The following NUMB variants were observed in gnomAD, a reference collection of about 807,000 sequenced individuals.
The protein encoded by NUMB is protein numb homolog.
NUMB carries 29 observed loss-of-function variants against 59.7 expected under a neutral mutation model. That is an observed-to-expected ratio of 0.49 (90% CI 0.36 to 0.66). NUMB has a LOEUF of 0.66. Among genes scored for constraint, NUMB ranks in the 30% least tolerant of loss-of-function variants. The probability of loss-of-function intolerance (pLI) is 0.00; values close to 1 mark genes in which losing one functional copy is unlikely to be tolerated. For missense variants in NUMB, 723 were observed against 822.0 expected, an observed-to-expected ratio of 0.88 and a Z score of 1.47; for synonymous variants, 288 against 288.2, an observed-to-expected ratio of 1.00 and a Z score of 0.01.
At chr14:73,372,832 T>C (rs984224451) in intron 2 of NUMB, among the ~76,000 whole-genome samples, 1 of 152,196 alleles carries the variant, frequency 6.6e-6, no homozygotes, top group African/African-American at 2.4e-5. Context: ...TTCATTATAT[T>C]TCATTATTCA....
At chr14:73,295,828 C>T (rs907174809) in intron 7 of NUMB, among the ~76,000 whole-genome samples, 1 of 151,952 alleles carries the variant, frequency 6.6e-6, no homozygotes, top group African/African-American at 2.4e-5. Context: ...AGCTGTGTGT[C>T]TATTCTTATT....
At chr14:73,358,991 G>C (rs553499292) in intron 3 of NUMB, among the ~76,000 whole-genome samples, 1 of 152,104 alleles carries the variant, frequency 6.6e-6, no homozygotes, top group Non-Finnish European at 1.5e-5. Context: ...CATTAAAAGA[G>C]GACATCCAAC....
intron 6 of NUMB, among the ~76,000 whole-genome samples, chr14:73,303,863 G>C (rs1046018589): frequency 3.3e-5 from 5 of 152,086 alleles, no homozygotes; most frequent in African/African-American, 1.2e-4. Flanking sequence ...TGAAATCTGA[G>C]CAGAAGGATC....
intron 2 of NUMB, among the ~76,000 whole-genome samples, chr14:73,391,799 T>C (rs1895867146): frequency 6.6e-6 from 1 of 152,238 alleles, no homozygotes; most frequent in Non-Finnish European, 1.5e-5. Context: ...TGTAGTTTTC[T>C]GGCAATCTCA....
At chr14:73,415,982 T>C (rs760453295) in intron 1 of NUMB, among the ~76,000 whole-genome samples, 2 of 152,216 alleles carry the variant, frequency 1.3e-5, no homozygotes, top group Non-Finnish European at 2.9e-5. Context: ...ATGCTGGCAC[T>C]TCACAGTGAA....
chr14:73,286,927 T>C, intron 9 of NUMB, 183 bp downstream of exon 9: 2 of 615,452 alleles, frequency 3.2e-6, no homozygotes, highest in South Asian at 3.9e-5. Context: ...GTAAATATTT[T>C]TGAAGCCATT....
In NUMB at chr14:73,388,281, T is replaced by C. The variant is rs569555847; in HGVS notation, c.-100-21300A>G. Among the ~76,000 whole-genome samples the C allele has an allele frequency of 5.3e-5, 8 of 152,304 alleles. No homozygotes were observed. In the South Asian group the frequency reaches 1.2e-3, roughly 24 times the overall value. ...TACCCAGTCTCGGGTATGTCTTTAT[T>C]AGCAGTGTGAGAATGGACTAATACA... On this transcript the variant is annotated intron_variant, in intron 2 of 12. Transcript: ENST00000555238.
chr14:73,343,789 T>A (rs930217866), intron 4 of NUMB, among the ~76,000 whole-genome samples: 2 of 31,144 alleles, frequency 6.4e-5, no homozygotes, highest in African/African-American at 3.7e-4. Flanking sequence ...AGTCTCCTTT[T>A]TGGATGCTAT....
intron 2 of NUMB, among the ~76,000 whole-genome samples, chr14:73,392,732 A>G (rs1342719118): frequency 6.6e-6 from 1 of 152,192 alleles, no homozygotes; most frequent in Non-Finnish European, 1.5e-5. Flanking sequence ...ATTCTCTATT[A>G]TATTAAGACA....
intron 12 of NUMB, among the ~76,000 whole-genome samples, chr14:73,278,647 G>GC (rs1304287519): frequency 4.0e-5 from 6 of 151,350 alleles, no homozygotes; most frequent in Admixed American, 3.9e-4. Context: ...TAGGAGCAGG[G>GC]CCCCCTCTTT....
At chr14:73,317,839 A>C (rs1454668617) in intron 5 of NUMB, among the ~76,000 whole-genome samples, 1 of 152,214 alleles carries the variant, frequency 6.6e-6, no homozygotes, top group Non-Finnish European at 1.5e-5. Flanking sequence ...AATATACTTT[A>C]AGCCTTTACT....
intron 1 of NUMB, among the ~76,000 whole-genome samples, chr14:73,450,980 C>T (rs1445375039): frequency 1.3e-5 from 2 of 151,548 alleles, no homozygotes; most frequent in African/African-American, 4.9e-5. Context: ...GGTGAAATCC[C>T]GTCTCTACTA....
intron 9 of NUMB, chr14:73,286,880 C>G (rs1889042341): frequency 3.7e-6 from 2 of 536,490 alleles, no homozygotes; most frequent in Admixed American, 3.1e-5. Flanking sequence ...GCTTCTTCAA[C>G]TGCACTCTGA....
chr14:73,375,866 T>C (rs543317885), intron 2 of NUMB, among the ~76,000 whole-genome samples: 32 of 152,350 alleles, frequency 2.1e-4, no homozygotes, highest in African/African-American at 7.2e-4. Flanking sequence ...CATCCATTCA[T>C]GATAAAAATT....
chr14:73,326,722 T>A (rs1273856987), intron 4 of NUMB, among the ~76,000 whole-genome samples: 1 of 152,178 alleles, frequency 6.6e-6, no homozygotes, highest in Admixed American at 6.5e-5. Flanking sequence ...GAGACCTAAC[T>A]GGACTGACTG....
intron 1 of NUMB, among the ~76,000 whole-genome samples, chr14:73,424,171 T>C (rs981473442): frequency 3.3e-5 from 5 of 152,048 alleles, no homozygotes; most frequent in African/African-American, 1.2e-4. Flanking sequence ...GAGAAATTTT[T>C]AAATATTGGC....
intron 1 of NUMB, among the ~76,000 whole-genome samples, chr14:73,436,878 C>A (rs777230337): frequency 4.7e-5 from 7 of 150,444 alleles, no homozygotes; most frequent in Non-Finnish European, 5.9e-5. Flanking sequence ...ACTCGGGAGG[C>A]TGAGGCAGGA....
At chr14:73,414,421 T>C (rs1412624000) in intron 1 of NUMB, among the ~76,000 whole-genome samples, 1 of 152,136 alleles carries the variant, frequency 6.6e-6, no homozygotes, top group Non-Finnish European at 1.5e-5. Context: ...TGAGACAGGG[T>C]CTCACTCTGT....
intron 1 of NUMB, among the ~76,000 whole-genome samples, chr14:73,440,941 G>GAA (rs558632543): frequency 2.1e-5 from 2 of 93,736 alleles, no homozygotes; most frequent in South Asian, 3.5e-4. Context: ...GTCTAAAAAA[G>GAA]AAAAAAAAAA....
Sources: gnomAD v4.1 joint callset for allele counts (sites outside exome capture counted in the v4.1 genomes callset) on GRCh38, gnomAD v4.1.1 for gene constraint, MANE v1.5 for transcripts, NCBI Gene and HGNC (gene_info 2026-07-23, HGNC 2026-07-21) for gene names.